Variants in INTS6 observed in about 807,000 individuals in gnomAD.
INTS6 encodes DEAD box protein.
A neutral mutation model predicts 104.9 loss-of-function variants in INTS6; 16 were observed. The ratio of observed to expected loss-of-function variants is 0.15; its 90% CI spans 0.10 to 0.23. The LOEUF is 0.23. Ranked by LOEUF, INTS6 falls within the 10% of genes least tolerant of loss-of-function variation. INTS6 has a pLI of 1.00. For synonymous variants in INTS6, 324 were observed against 358.7 expected, an observed-to-expected ratio of 0.90 and a Z score of 1.09; for missense variants, 584 against 1,062.8, an observed-to-expected ratio of 0.55 and a Z score of 6.26.
In INTS6 at chr13:51,379,576, T is replaced by C. The variant is rs372077101; in HGVS notation, c.1276-4A>G. 17 of 1,526,076 alleles carry C rather than the reference T, an allele frequency of 1.1e-5. No individual in the cohort carries two copies. The highest frequency in any genetic ancestry group is 2.3e-5 in the East Asian group (1 of 43,134). The allele number at this position is 1,526,076 out of a possible 1,614,324, so 94.5% of individuals were successfully genotyped here. A position where few individuals can be genotyped will look rare whatever the true frequency, so the allele number is the denominator to read the frequency against. ...TCCTAACAGCTTTCTTCAAGGGCTA[T>C]AGGAAAAAAGAAAACATCATTCAAT... On this transcript the variant is annotated splice_polypyrimidine_tract_variant and splice_region_variant and intron_variant, in intron 10 of 17. Transcript: ENST00000311234.
chr13:51,392,877 G>A (rs1336850169), intron 5 of INTS6, among the ~76,000 whole-genome samples: 1 of 151,768 alleles, frequency 6.6e-6, no homozygotes, highest in African/African-American at 2.4e-5. Context: ...GGCATAGAGT[G>A]GGCACTCATT....
intron 7 of INTS6, chr13:51,384,701 A>G (rs1956108708): frequency 2.2e-6 from 1 of 456,598 alleles, no homozygotes; most frequent in South Asian, 1.5e-5. Context: ...TAACTGTCAC[A>G]AAGACCTGGA....
rs1052353489 is a variant in INTS6 at position 51,452,363 on chromosome 13, C to A, written c.111+52G>T. 1.4e-6 allele frequency: 2 copies of A among 1,458,606 alleles called. No homozygotes were observed. Among genetic ancestry groups the A allele is most frequent in the Non-Finnish European group, 1.8e-6 (2 of 1,100,686 alleles). 90.4% of individuals were successfully genotyped at this position (1,458,606 alleles called of 1,614,324 possible). A position where few individuals can be genotyped will look rare whatever the true frequency, so the allele number is the denominator to read the frequency against. On this transcript the variant is annotated intron_variant, in intron 1 of 17. Transcript: ENST00000311234. The surrounding 1 kb of genome is among the most constrained non-coding windows in gnomAD (Gnocchi z 4.2). ...CCCCGGCCGCCCTCCCCCACCCTGC[C>A]GCCCGCGGGCCGCCGGGCCGGGGTC...
rs1002112557 is a variant in INTS6 at position 51,374,684 on chromosome 13, T to C, written c.1842A>G (p.Thr614=). Residue 614 remains threonine, a synonymous_variant, in exon 14 of 18, where the codon ACA becomes ACG. Coordinates refer to ENST00000311234, the MANE Select transcript of INTS6 (RefSeq NM_012141.3). ...LDPDQPRRLH[T]FGNPFKLDKK... is the part of the protein sequence containing the mutation. Reference sequence around the variant, plus strand: ...TATCCAGCTTAAAGGGGTTGCCAAATGTATGCAACCTTCGTGGCTGATCAG... The same window carrying C: ...TATCCAGCTTAAAGGGGTTGCCAAACGTATGCAACCTTCGTGGCTGATCAG... The C allele has an allele frequency of 5.6e-6, 9 of 1,613,210 alleles. No homozygotes were observed. In the African/African-American group the frequency reaches 1.1e-4, roughly 19 times the overall value.
intron 3 of INTS6, chr13:51,438,667 A>G (rs930870464): frequency 6.6e-6 from 1 of 152,264 alleles, no homozygotes; most frequent in Non-Finnish European, 1.5e-5. Context: ...GATCTTGTGG[A>G]TGCAATCTCT....
intron 9 of INTS6, 84 bp downstream of exon 9, chr13:51,383,242 CCAG>C: frequency 8.8e-7 from 1 of 1,131,798 alleles, no homozygotes; most frequent in Non-Finnish European, 1.2e-6. Context: ...TCATTGATTT[CCAG>C]AAGACAAGAA....
chr13:51,449,474 G>A, intron 3 of INTS6: 1 of 985,222 alleles, frequency 1.0e-6, no homozygotes, highest in Non-Finnish European at 1.2e-6. Context: ...GTTTTTCGAA[G>A]GAAGCAATCT....
At chr13:51,360,771 A>G (rs1955562136), downstream of INTS6, among the ~76,000 whole-genome samples, 3 of 152,074 alleles carry the variant, frequency 2.0e-5, no homozygotes, top group African/African-American at 7.2e-5. Context: ...AAAGCCTGTA[A>G]TAAAAACCTG....
At chr13:51,370,243 T>C (rs1201560778) in intron 15 of INTS6, among the ~76,000 whole-genome samples, 1 of 152,168 alleles carries the variant, frequency 6.6e-6, no homozygotes, top group Admixed American at 6.5e-5. Flanking sequence ...AGACCAAAAG[T>C]AGAAATTGCT....
At position 51,451,169 on chromosome 13, in the gene INTS6, T is replaced by A; in HGVS notation, c.195A>T (p.Gly65=). The A allele has an allele frequency of 6.4e-7, 1 of 1,555,714 alleles. No homozygotes were observed. Among genetic ancestry groups the A allele is most frequent in the Non-Finnish European group, 8.6e-7 (1 of 1,158,734 alleles). Residue 65 remains glycine (G), a synonymous_variant, in exon 3 of 18, where the codon GGA becomes GGT. Transcript: ENST00000311234. The part of the protein sequence containing the change: ...FEEPPYAIKA[G]WKENHATFMN... ...TAAACGTTGCATGGTTTTCTTTCCA[T>A]CCAGCCTGAAAAGAAAAATGTAAGA...
intron 4 of INTS6, among the ~76,000 whole-genome samples, chr13:51,405,310 G>T (rs1477755661): frequency 6.6e-6 from 1 of 152,102 alleles, no homozygotes; most frequent in Non-Finnish European, 1.5e-5. Flanking sequence ...TTAATATAGG[G>T]AGATAGAGAA....
Position 51,368,993 on chromosome 13 carries a change from C to G in INTS6, c.2422G>C (p.Val808Leu), listed in dbSNP as rs369330400. The part of the protein sequence containing the change: ...KLMHCRSHEE[V>L]NTELKAQIMK... ...ATTTGTGCTTTTAGTTCAGTATTGA[C>G]CTCTTCATGGCTTCTGCAATGCATC... The change falls in exon 16 of 18, where the codon GTC (valine) becomes CTC (leucine). Residue 808 changes from valine to leucine, a missense_variant. By Grantham distance (32) the Val-to-Leu change is conservative. Transcript: ENST00000311234. The G allele has an allele frequency of 2.8e-5, 45 of 1,613,132 alleles. No individual in the cohort carries two copies. The highest frequency in any genetic ancestry group is 5.9e-6 in the Non-Finnish European group (7 of 1,179,664).
At chr13:51,398,384 C>A (rs1956377442) in intron 4 of INTS6, among the ~76,000 whole-genome samples, 1 of 151,398 alleles carries the variant, frequency 6.6e-6, no homozygotes, top group Non-Finnish European at 1.5e-5. Context: ...TAGACAATTC[C>A]CAAAAGCAAA....
intron 6 of INTS6, 80 bp from the exon 7 acceptor site, chr13:51,387,620 T>C (rs1956164775): frequency 9.5e-7 from 1 of 1,054,096 alleles, no homozygotes; most frequent in South Asian, 2.4e-5. Flanking sequence ...TATCAATTAT[T>C]ACTTAAATTA....
At chr13:51,353,211 A>G (rs1955426718), downstream of INTS6, among the ~76,000 whole-genome samples, 1 of 151,980 alleles carries the variant, frequency 6.6e-6, no homozygotes. Flanking sequence ...TTTTTAGTTT[A>G]TGAAAAATGA....
intron 4 of INTS6, among the ~76,000 whole-genome samples, chr13:51,405,940 T>C (rs1806569270): frequency 6.6e-6 from 1 of 152,348 alleles, no homozygotes; most frequent in Non-Finnish European, 1.5e-5. Flanking sequence ...CCTTGAGTCA[T>C]TAAATCCATT....
chr13:51,361,072 TA>T (rs1955566676), downstream of INTS6, among the ~76,000 whole-genome samples: 5 of 152,038 alleles, frequency 3.3e-5, no homozygotes, highest in South Asian at 1.0e-3. Flanking sequence ...TAAAGTTTGG[TA>T]ACATATTGAG....
At chr13:51,451,853 A>C (rs1179804134) in intron 2 of INTS6, 125 bp downstream of exon 2, 2 of 550,394 alleles carry the variant, frequency 3.6e-6, no homozygotes, top group Non-Finnish European at 6.2e-6. Flanking sequence ...AAGAGACCTC[A>C]GCGGCTGGGA....
rs1429858048 is a variant in INTS6, at chr13:51,374,363, A to G, written c.1949T>C (p.Met650Thr). ...NKHKRPGEPNMQGIPKRRRCM... is the reference protein window; with the variant it reads ...NKHKRPGEPNTQGIPKRRRCM... ...CCGACGTCTTTTAGGGATCCCTTGC[A>G]TATTTGGTTCTCCGGGTCGTTTATG... is the stretch of plus-strand genomic sequence containing the variant. Residue 650 changes from methionine to threonine, a missense_variant, in exon 15 of 18, where the codon ATG (methionine) becomes ACG (threonine). Transcript: ENST00000311234. 1 of 1,614,080 alleles carries G rather than the reference A, an allele frequency of 6.2e-7. No individual in the cohort carries two copies. Among genetic ancestry groups the G allele is most frequent in the Admixed American group, 1.7e-5 (1 of 60,012 alleles).
Sources: gnomAD v4.1 joint callset for allele counts (sites outside exome capture counted in the v4.1 genomes callset) on GRCh38, gnomAD v4.1.1 for gene constraint, Gnocchi (gnomAD v3.1) non-coding constraint, MANE v1.5 for transcripts, NCBI Gene and HGNC (gene_info 2026-07-23, HGNC 2026-07-21) for gene names.